The following PCDHGB6 variants were observed in gnomAD, a reference collection of about 807,000 sequenced individuals.
PCDHGB6 encodes the protein protocadherin gamma-B6.
In PCDHGB6, 51 loss-of-function variants were observed where a neutral mutation model predicts 59.1. That is an observed-to-expected ratio of 0.86 (90% CI 0.69 to 1.09). The LOEUF (loss-of-function observed/expected upper bound fraction) is 1.09. Among genes scored for constraint, PCDHGB6 ranks in the 50% least tolerant of loss-of-function variants. The pLI is 0.00. For missense variants in PCDHGB6, 1,148 were observed against 1,205.1 expected, an observed-to-expected ratio of 0.95 and a Z score of 0.70; for synonymous variants, 466 against 495.1, an observed-to-expected ratio of 0.94 and a Z score of 0.78.
At chr5:141,433,853 A>G (rs934981508) in intron 1 of PCDHGB6, among the ~76,000 whole-genome samples, 1 of 152,026 alleles carries the variant, frequency 6.6e-6, no homozygotes, top group Non-Finnish European at 1.5e-5. Flanking sequence ...AAAAAAAAAA[A>G]AACTTTATCC....
Position 141,490,066 on chromosome 5 carries a change from C to G in PCDHGB6, c.2419-4741C>G. ...TGATCCAGACGAGGGCACCAACGGC[C>G]AACTAGACTATTCTTTTGGAGACCA... On this transcript the variant is annotated intron_variant, in intron 1 of 3. Coordinates refer to ENST00000520790, the MANE Select transcript of PCDHGB6 (RefSeq NM_018926.3). The surrounding 1 kb of genome is among the most constrained non-coding windows in gnomAD (Gnocchi z 5.4). The G allele has an allele frequency of 1.2e-6, 2 of 1,614,248 alleles. No individual in the cohort carries two copies. Among genetic ancestry groups the G allele is most frequent in the Non-Finnish European group, 1.7e-6 (2 of 1,180,034 alleles).
At chr5:141,416,387 A>T (rs1229066765) in intron 1 of PCDHGB6, 1 of 152,190 alleles carries the variant, frequency 6.6e-6, no homozygotes, top group Admixed American at 6.5e-5. Context: ...AATATTTGGG[A>T]TTCTGCTTTT....
chr5:141,476,328 G>C lies in PCDHGB6; in HGVS notation c.2419-18479G>C, dbSNP rs1381722714. On this transcript the variant is annotated intron_variant, in intron 1 of 3. Coordinates refer to ENST00000520790, the MANE Select transcript of PCDHGB6 (RefSeq NM_018926.3). This position sits in a 1 kb window ranked among gnomAD's most constrained non-coding sequence, Gnocchi z 7.6. Reference sequence around the variant, plus strand: ...GCCCGCAGGTTCCGGGTGGTGTCTGGAGCTAGCCGAAGATTCTTTGAGGTG... The same window carrying C: ...GCCCGCAGGTTCCGGGTGGTGTCTGCAGCTAGCCGAAGATTCTTTGAGGTG... 1 of 1,614,176 alleles carries C rather than the reference G, an allele frequency of 6.2e-7. No individual in the cohort carries two copies. Among genetic ancestry groups the C allele is most frequent in the East Asian group, 2.2e-5 (1 of 44,864 alleles).
At chr5:141,415,696 G>C (rs867312295) in intron 1 of PCDHGB6, 12 of 1,397,434 alleles carry the variant, frequency 8.6e-6, no homozygotes, top group Non-Finnish European at 1.1e-5. Flanking sequence ...GGTGGAAAGT[G>C]TAAATGCTAA....
chr5:141,427,628 G>A (rs1308356581), intron 1 of PCDHGB6: 2 of 700,966 alleles, frequency 2.9e-6, no homozygotes, highest in Admixed American at 2.0e-5. Flanking sequence ...ACAATGCTCC[G>A]GTTTTCCACC....
chr5:141,414,210 T>G (rs1252033650), intron 1 of PCDHGB6: 1 of 1,612,706 alleles, frequency 6.2e-7, no homozygotes, highest in Admixed American at 1.7e-5. Context: ...AAGATGTAAA[T>G]GACAACAGTC....
chr5:141,472,980 C>CAAAAAAAAAAAAAAAAAAAAA (rs60579131), intron 1 of PCDHGB6, among the ~76,000 whole-genome samples: 3 of 86,094 alleles, frequency 3.5e-5, no homozygotes, highest in Non-Finnish European at 5.0e-5. Context: ...GAGTGAAACT[C>CAAAAAAAAAAAAAAAAAAAAA]AAAAAAAAAA....
In PCDHGB6 at chr5:141,490,442, A is replaced by T. The variant is rs757900187; in HGVS notation, c.2419-4365A>T. On this transcript the variant is annotated intron_variant, in intron 1 of 3. Transcript: ENST00000520790. The surrounding 1 kb of genome is among the most constrained non-coding windows in gnomAD (Gnocchi z 5.4). ...CTGCCATTTCAGATTAAGCCTTCTG[A>T]GAACCACTACTCGCTGCTAACCAGC... 16 of 1,614,092 alleles carry T rather than the reference A, an allele frequency of 9.9e-6. No individual in the cohort carries two copies. Among genetic ancestry groups the T allele is most frequent in the Non-Finnish European group, 1.2e-5 (14 of 1,180,044 alleles).
rs769232324 is a variant in PCDHGB6, at chr5:141,423,034, G to T, written c.2418+12414G>T. 4 of 1,614,082 alleles carry T rather than the reference G, an allele frequency of 2.5e-6. No individual in the cohort carries two copies. In the African/African-American group the frequency reaches 4.0e-5, roughly 16 times the overall value. On this transcript the variant is annotated intron_variant, in intron 1 of 3. Coordinates refer to ENST00000520790, the MANE Select transcript of PCDHGB6 (RefSeq NM_018926.3). ...GGTGGACAAAGATTCAGGCCAGAAC[G>T]CCTGGCTGTCCTATCGCCTGCTTAA...
chr5:141,455,377 CAGAA>C (rs2098820699), intron 1 of PCDHGB6, among the ~76,000 whole-genome samples: 1 of 151,970 alleles, frequency 6.6e-6, no homozygotes, highest in Admixed American at 6.6e-5. Flanking sequence ...AGGGAGAAGA[CAGAA>C]GGAAGGAGCT....
In PCDHGB6 at chr5:141,490,823, A is replaced by T. The variant is rs1340589166; in HGVS notation, c.2419-3984A>T. ...CGTACCTTTGACTATGAATTGCTGC[A>T]GATGCTGCAGATTGTGGTGGGGGTT... On this transcript the variant is annotated intron_variant, in intron 1 of 3. Transcript: ENST00000520790. This position sits in a 1 kb window ranked among gnomAD's most constrained non-coding sequence, Gnocchi z 5.4. 13 of 1,613,928 alleles carry T rather than the reference A, an allele frequency of 8.1e-6. No individual in the cohort carries two copies. Among genetic ancestry groups the T allele is most frequent in the Non-Finnish European group, 9.3e-6 (11 of 1,179,864 alleles).
Position 141,409,789 on chromosome 5 carries a change from G to T in PCDHGB6, c.1587G>T (p.Ala529=). 1 of 1,612,036 alleles carries T rather than the reference G, an allele frequency of 6.2e-7. No individual in the cohort carries two copies. Among genetic ancestry groups the T allele is most frequent in the Non-Finnish European group, 8.5e-7 (1 of 1,179,370 alleles). ...ATCACGAGCAGCTGCGCGCCTTCGC[G>T]CTCACGCTGCAGGCCCGCGACCACG... is the stretch of plus-strand genomic sequence containing the variant. ...AFDHEQLRAF[A]LTLQARDHGS... is the part of the protein sequence containing the mutation. The change falls in exon 1 of 4, where the codon GCG becomes GCT. Residue 529 remains alanine (A), a synonymous_variant. Coordinates refer to ENST00000520790, the MANE Select transcript of PCDHGB6 (RefSeq NM_018926.3).
chr5:141,507,202 C>G (rs2099859138), intron 3 of PCDHGB6: 1 of 152,356 alleles, frequency 6.6e-6, no homozygotes, highest in Non-Finnish European at 1.5e-5. Flanking sequence ...TCTTCCAGAT[C>G]AGGGTTGCCA....
intron 1 of PCDHGB6, chr5:141,422,139 A>C: frequency 1.9e-6 from 3 of 1,588,154 alleles, no homozygotes; most frequent in Non-Finnish European, 2.6e-6. Context: ...AAGTTCAAGT[A>C]CGGGGGTCTC....
At chr5:141,473,779 T>C (rs2099328680) in intron 1 of PCDHGB6, among the ~76,000 whole-genome samples, 1 of 152,204 alleles carries the variant, frequency 6.6e-6, no homozygotes, top group Non-Finnish European at 1.5e-5. Context: ...GGTATTTTAA[T>C]TCAAGAGCAG....
chr5:141,419,980 G>T lies in PCDHGB6; in HGVS notation c.2418+9360G>T, dbSNP rs182372807. 1.1e-4 allele frequency: 180 copies of T among 1,614,080 alleles called. No individual in the cohort carries two copies. The East Asian group carries it at 1.1e-3, about 10-fold the overall frequency. On this transcript the variant is annotated intron_variant, in intron 1 of 3. Transcript: ENST00000520790. ...TTTCTGTGCTCTTTCTCCTCGCGGTGATTCTAGCTATTGCTCTACGCCTGC... is the reference window on the plus strand; with the variant it reads ...TTTCTGTGCTCTTTCTCCTCGCGGTTATTCTAGCTATTGCTCTACGCCTGC...
At position 141,485,789 on chromosome 5, in the gene PCDHGB6, T is replaced by G. The variant is rs1276069810; in HGVS notation, c.2419-9018T>G. The G allele has an allele frequency of 1.2e-6, 2 of 1,613,978 alleles. No individual in the cohort carries two copies. The highest frequency in any genetic ancestry group is 1.7e-6 in the Non-Finnish European group (2 of 1,180,030). On this transcript the variant is annotated intron_variant, in intron 1 of 3. Coordinates refer to ENST00000520790, the MANE Select transcript of PCDHGB6 (RefSeq NM_018926.3). This position sits in a 1 kb window ranked among gnomAD's most constrained non-coding sequence, Gnocchi z 5.7. ...GAAGCCTTTGGATCGAGAGAAGCAATCGGACTACCGCCTGGTGCTGACTGC... is the reference window on the plus strand; with the variant it reads ...GAAGCCTTTGGATCGAGAGAAGCAAGCGGACTACCGCCTGGTGCTGACTGC...
At chr5:141,503,836 A>G (rs1260399957) in intron 2 of PCDHGB6, among the ~76,000 whole-genome samples, 4 of 152,142 alleles carry the variant, frequency 2.6e-5, no homozygotes, top group Admixed American at 6.5e-5. Flanking sequence ...AAAAGCAGGG[A>G]CAGACCTTGG....
At position 141,511,241 on chromosome 5, in the gene PCDHGB6, C is replaced by G; in HGVS notation, c.*68C>G. ...CCAGCCCAGCTTCTCCTTACCTGCA[C>G]CCAGGCCTCAGAGTTTCAGGGCTAA... On this transcript the variant is annotated 3_prime_UTR_variant, in exon 4 of 4. Transcript: ENST00000520790. 1 of 1,585,214 alleles carries G rather than the reference C, an allele frequency of 6.3e-7. No individual in the cohort carries two copies. The highest frequency in any genetic ancestry group is 1.1e-5 in the South Asian group (1 of 87,760).
Sources: allele counts gnomAD v4.1 joint callset (sites outside exome capture counted in the v4.1 genomes callset), GRCh38; gene constraint gnomAD v4.1.1; non-coding constraint Gnocchi (gnomAD v3.1); transcripts MANE v1.5; gene names NCBI Gene and HGNC (gene_info 2026-07-23, HGNC 2026-07-21).